Variants in TAB2 observed in about 807,000 individuals in gnomAD.
The protein encoded by TAB2 is TGF-beta activated kinase 1 (MAP3K7) binding protein 2.
TAB2 carries 3 observed loss-of-function variants against 65.0 expected under a neutral mutation model. The observed-to-expected ratio is 0.05, with a 90% CI of 0.02 to 0.12. The LOEUF is 0.12. Among genes scored for constraint, TAB2 ranks in the 10% least tolerant of loss-of-function variants. The pLI, the probability that TAB2 is intolerant of heterozygous loss-of-function variation, is 1.00. For synonymous variants in TAB2, 298 were observed against 285.1 expected (o/e 1.05, Z -0.46); for missense variants, 623 against 840.3 (o/e 0.74, Z 3.20).
chr6:149,250,841 T>C (rs933186986), intron 1 of TAB2, among the ~76,000 whole-genome samples: 1 of 152,192 alleles, frequency 6.6e-6, no homozygotes, highest in Non-Finnish European at 1.5e-5. Flanking sequence ...TACCTTGCAT[T>C]ATGAAAATCA....
At chr6:149,353,696 C>T (rs1780563441) in intron 1 of TAB2, among the ~76,000 whole-genome samples, 1 of 152,060 alleles carries the variant, frequency 6.6e-6, no homozygotes, top group Non-Finnish European at 1.5e-5. Context: ...AAACTTTTTG[C>T]GTAGCTTTCT....
rs937540604 is a variant in TAB2, at chr6:149,222,102, C to T, written c.-121+3326C>T. Among the ~76,000 whole-genome samples, 8 of 152,274 alleles carry T rather than the reference C, an allele frequency of 5.3e-5. No individual in the cohort carries two copies. The East Asian group carries it at 1.4e-3, about 26-fold the overall frequency. ...AAGGGAGAATTCACTCTCTCTAACC[C>T]GGAACAGCCATTCAGCCATTTTCTC... On this transcript the variant is annotated intron_variant, in intron 1 of 1. Transcript: ENST00000606202.
At chr6:149,313,970 A>G (rs1011381729), upstream of TAB2, among the ~76,000 whole-genome samples, 1 of 152,172 alleles carries the variant, frequency 6.6e-6, no homozygotes, top group Admixed American at 6.5e-5. Flanking sequence ...TTAACCAGAC[A>G]GTGATGCCTG....
At chr6:149,326,797 C>T (rs548874664) in intron 1 of TAB2, among the ~76,000 whole-genome samples, 1 of 152,274 alleles carries the variant, frequency 6.6e-6, no homozygotes, top group African/African-American at 2.4e-5. Context: ...ATCCACCCAT[C>T]CTCAGCCTTG....
intron 1 of TAB2, chr6:149,347,035 G>A (rs1163371440): frequency 1.3e-5 from 2 of 152,150 alleles, no homozygotes; most frequent in African/African-American, 2.4e-5. Context: ...GAGTGAAAGA[G>A]GGCAGTGAAC....
chr6:149,269,241 G>A (rs1221433408), intron 1 of TAB2, among the ~76,000 whole-genome samples: 1 of 152,150 alleles, frequency 6.6e-6, no homozygotes, highest in African/African-American at 2.4e-5. Flanking sequence ...ATTGTAAATA[G>A]CAGAGTTTCA....
intron 1 of TAB2, among the ~76,000 whole-genome samples, chr6:149,325,363 C>T (rs868708051): frequency 1.1e-4 from 16 of 152,254 alleles, no homozygotes; most frequent in African/African-American, 3.6e-4. Context: ...AATTTTGCTT[C>T]GTTAGGTTTT....
chr6:149,274,070 G>A (rs962972503), intron 1 of TAB2, among the ~76,000 whole-genome samples: 2 of 152,166 alleles, frequency 1.3e-5, no homozygotes, highest in Non-Finnish European at 2.9e-5. Flanking sequence ...TATTTCTATT[G>A]ACCAATATCA....
In TAB2 at chr6:149,410,005, A is replaced by C. The variant is rs34532338; in HGVS notation, c.*286A>C. 2.8e-3 allele frequency: 1,328 copies of C among 468,234 alleles called. 13 individuals are homozygous for C. The highest frequency in any genetic ancestry group is 0.023 in the African/African-American group (1,195 of 51,186). 29.0% of individuals were successfully genotyped at this position (468,234 alleles called of 1,614,324 possible). A position where few individuals can be genotyped will look rare whatever the true frequency, so the allele number is the denominator to read the frequency against. ...TGTCCCATTATGGATAATTCTCAAT[A>C]TGTTAACACCTAGGTGTTCCCAATA... is the stretch of plus-strand genomic sequence containing the variant. On this transcript the variant is annotated 3_prime_UTR_variant, in exon 7 of 7. Transcript: ENST00000637181.
At chr6:149,252,355 A>C (rs867594088) in intron 1 of TAB2, among the ~76,000 whole-genome samples, 2 of 149,808 alleles carry the variant, frequency 1.3e-5, no homozygotes, top group Non-Finnish European at 3.0e-5. Context: ...AGCTGAGATC[A>C]CGCCATTGCA....
chr6:149,322,049 G>T (rs1437108124), intron 1 of TAB2, among the ~76,000 whole-genome samples: 1 of 152,076 alleles, frequency 6.6e-6, no homozygotes, highest in Non-Finnish European at 1.5e-5. Flanking sequence ...ATAATAAAGA[G>T]AAAGGAACTA....
chr6:149,262,155 A>T (rs1469743176), intron 1 of TAB2, among the ~76,000 whole-genome samples: 1 of 152,246 alleles, frequency 6.6e-6, no homozygotes, highest in Non-Finnish European at 1.5e-5. Flanking sequence ...TAAAGCAAAG[A>T]AGATGATGAG....
chr6:149,284,622 T>C (rs978459268), intron 1 of TAB2, among the ~76,000 whole-genome samples: 1 of 151,150 alleles, frequency 6.6e-6, no homozygotes, highest in Non-Finnish European at 1.5e-5. Context: ...AGTAAATTCA[T>C]ATCTACCACA....
intron 1 of TAB2, among the ~76,000 whole-genome samples, chr6:149,235,355 A>T (rs1378694759): frequency 6.6e-6 from 1 of 152,244 alleles, no homozygotes; most frequent in Non-Finnish European, 1.5e-5. Context: ...GGAAATGGGG[A>T]TATTCTGTTG....
intron 1 of TAB2, among the ~76,000 whole-genome samples, chr6:149,368,430 T>G (rs148424339): frequency 4.3e-4 from 66 of 152,048 alleles, no homozygotes; most frequent in African/African-American, 1.5e-3. Flanking sequence ...TGAAGACACT[T>G]ACGTATAAAC....
chr6:149,287,495 A>ATTT lies in TAB2; in HGVS notation c.-121+68719_-121+68720insTTT, dbSNP rs1354100918. On this transcript the variant is annotated intron_variant, in intron 1 of 1. Coordinates refer to the TAB2 transcript ENST00000606202. ...ACTTTGTTTTCTGTTTTTTTTTTTAAAAAGAAAGTATTAGAAAATTGTGAC... is the reference window on the plus strand; with the variant it reads ...ACTTTGTTTTCTGTTTTTTTTTTTAATTTAAAGAAAGTATTAGAAAATTGTGAC... Among the ~76,000 whole-genome samples, 242 of 137,800 alleles carry ATTT rather than the reference A, an allele frequency of 1.8e-3. 1 individual carries two copies. The highest frequency in any genetic ancestry group is 3.5e-3 in the African/African-American group (128 of 36,148). The allele number at this position is 137,800 out of a possible 152,430, so 90.4% of individuals were successfully genotyped here.
chr6:149,253,346 C>T (rs894377634), intron 1 of TAB2, among the ~76,000 whole-genome samples: 1 of 152,256 alleles, frequency 6.6e-6, no homozygotes, highest in Middle Eastern at 3.4e-3. Flanking sequence ...TTTGGCCAGG[C>T]GCTGTGGCTC....
At position 149,378,402 on chromosome 6, in the gene TAB2, G is replaced by A; in HGVS notation, c.487G>A (p.Gly163Arg). ...PHLGFHLGSK[G>R]TSSLSQQTPR... ...TCTTGGATTTCACTTAGGCAGCAAA[G>A]GAACATCTAGCCTTTCTCAACAAAC... The change falls in exon 3 of 7, where the codon GGA becomes AGA. Residue 163 changes from glycine to arginine, a missense_variant. By Grantham distance (125) the Gly-to-Arg change is moderately radical. Transcript: ENST00000637181. The A allele has an allele frequency of 6.2e-7, 1 of 1,614,178 alleles. No individual in the cohort carries two copies. The highest frequency in any genetic ancestry group is 8.5e-7 in the Non-Finnish European group (1 of 1,180,042).
At chr6:149,274,036 C>T (rs1778408977) in intron 1 of TAB2, among the ~76,000 whole-genome samples, 1 of 152,250 alleles carries the variant, frequency 6.6e-6, no homozygotes, top group Admixed American at 6.5e-5. Flanking sequence ...TCTTCTACCT[C>T]ACCAAGTTGT....
Sources: gnomAD v4.1 joint callset for allele counts (sites outside exome capture counted in the v4.1 genomes callset) on GRCh38, gnomAD v4.1.1 for gene constraint, MANE v1.5 for transcripts, NCBI Gene and HGNC (gene_info 2026-07-23, HGNC 2026-07-21) for gene names.